The following SEC24D variants were observed in gnomAD, a reference collection of about 807,000 sequenced individuals.
SEC24D encodes SEC24 homolog D, COPII component.
SEC24D carries 69 observed loss-of-function variants against 116.9 expected under a neutral mutation model. The ratio of observed to expected loss-of-function variants is 0.59; its 90% CI spans 0.49 to 0.72. The LOEUF (loss-of-function observed/expected upper bound fraction) is 0.72, where lower values mean the gene tolerates loss of function less well. SEC24D is among the 30% of genes least tolerant of loss of function. The pLI is 0.00. For synonymous variants in SEC24D, 405 were observed against 442.8 expected, an observed-to-expected ratio of 0.91 and a Z score of 1.07; for missense variants, 1,131 against 1,264.1, an observed-to-expected ratio of 0.89 and a Z score of 1.60.
intron 3 of SEC24D, among the ~76,000 whole-genome samples, chr4:118,821,974 G>A (rs115915203): frequency 1.4e-3 from 218 of 152,302 alleles, no homozygotes; most frequent in African/African-American, 5.0e-3. Flanking sequence ...AGTAAAATCT[G>A]TCAGTACTTC....
chr4:118,787,538 T>C (rs893636722), intron 8 of SEC24D, among the ~76,000 whole-genome samples: 3 of 152,128 alleles, frequency 2.0e-5, no homozygotes, highest in African/African-American at 7.2e-5. Flanking sequence ...TGAGGCTGGA[T>C]GTGGTGGCTC....
At chr4:118,812,589 C>A (rs140123461) in intron 6 of SEC24D, among the ~76,000 whole-genome samples, 150 of 151,832 alleles carry the variant, frequency 9.9e-4, no homozygotes, top group Admixed American at 8.3e-3. Flanking sequence ...TGGGAAGAGG[C>A]GGAGTTTGGC....
chr4:118,784,888 G>A (rs1377723628), intron 8 of SEC24D, among the ~76,000 whole-genome samples: 1 of 151,948 alleles, frequency 6.6e-6, no homozygotes, highest in Non-Finnish European at 1.5e-5. Context: ...TTACTGTTCT[G>A]GAAATTCCTT....
intron 10 of SEC24D, 26 bp from the exon 11 acceptor site, chr4:118,757,871 A>G: frequency 2.5e-6 from 4 of 1,574,232 alleles, no homozygotes; most frequent in Non-Finnish European, 3.4e-6. Flanking sequence ...CACATCACAT[A>G]AATAAAGTAA....
intron 6 of SEC24D, among the ~76,000 whole-genome samples, chr4:118,811,560 G>A (rs565067937): frequency 6.6e-5 from 10 of 152,260 alleles, no homozygotes; most frequent in Admixed American, 2.0e-4. Flanking sequence ...TCTAATCAGC[G>A]GACAGCCTTA....
intron 6 of SEC24D, among the ~76,000 whole-genome samples, chr4:118,814,300 GCT>G (rs1285606531): frequency 6.6e-6 from 1 of 152,196 alleles, no homozygotes; most frequent in Non-Finnish European, 1.5e-5. Context: ...ATTTTGGCCA[GCT>G]CTGTTTCCTC....
At chr4:118,825,554 C>A (rs1336362201) in intron 2 of SEC24D, 1 of 456,198 alleles carries the variant, frequency 2.2e-6, no homozygotes, top group South Asian at 1.5e-5. Flanking sequence ...CAAGGCCCCA[C>A]TGGTTACTTA....
chr4:118,791,093 T>C (rs1578438636), intron 8 of SEC24D, among the ~76,000 whole-genome samples: 1 of 152,106 alleles, frequency 6.6e-6, no homozygotes, highest in East Asian at 1.9e-4. Flanking sequence ...TTTTCTATTA[T>C]TAACTATAAT....
At chr4:118,743,659 C>T (rs1726348429) in intron 15 of SEC24D, among the ~76,000 whole-genome samples, 1 of 152,130 alleles carries the variant, frequency 6.6e-6, no homozygotes, top group South Asian at 2.1e-4. Flanking sequence ...GCCACTGTGC[C>T]CTGCCTATGT....
At chr4:118,813,494 A>G (rs1730006936) in intron 6 of SEC24D, among the ~76,000 whole-genome samples, 1 of 152,250 alleles carries the variant, frequency 6.6e-6, no homozygotes, top group South Asian at 2.1e-4. Context: ...GGCACAGAGC[A>G]TGACATGGCA....
At chr4:118,807,874 G>A (rs939164260) in intron 6 of SEC24D, among the ~76,000 whole-genome samples, 2 of 152,216 alleles carry the variant, frequency 1.3e-5, no homozygotes, top group African/African-American at 4.8e-5. Flanking sequence ...AAGCTACCAT[G>A]AGCAGAGACA....
intron 8 of SEC24D, among the ~76,000 whole-genome samples, chr4:118,769,330 T>C (rs1727791408): frequency 6.6e-6 from 1 of 152,186 alleles, no homozygotes; most frequent in African/African-American, 2.4e-5. Flanking sequence ...AGTTCAGCAT[T>C]AAGTCTGCCT....
In SEC24D at chr4:118,833,607, C is replaced by T. The variant is rs1239793121; in HGVS notation, c.90G>A (p.Gly30=). 4 of 1,613,472 alleles carry T rather than the reference C, an allele frequency of 2.5e-6. No individual in the cohort carries two copies. The South Asian group carries it at 4.4e-5, about 18-fold the overall frequency. ...GLSPPHYGHY[G]DPSHTASPTG... is the part of the protein sequence containing the mutation. ...TTGGAGATGCTGTGTGCGACGGATC[C>T]CCATAGTGCCCATAATGAGGTGGAG... The change falls in exon 2 of 23, where the codon GGG becomes GGA. Residue 30 remains glycine (G), a synonymous_variant. Transcript: ENST00000280551.
intron 8 of SEC24D, among the ~76,000 whole-genome samples, chr4:118,796,570 G>A (rs1465259528): frequency 6.6e-6 from 1 of 152,202 alleles, no homozygotes; most frequent in African/African-American, 2.4e-5. Context: ...AGGACAGTGA[G>A]TGAAGATCCC....
intron 7 of SEC24D, among the ~76,000 whole-genome samples, chr4:118,804,806 A>C (rs1387640480): frequency 2.6e-5 from 4 of 151,904 alleles, no homozygotes. Context: ...AGTATCTACA[A>C]CACCTATAAT....
chr4:118,815,505 G>T lies in SEC24D; in HGVS notation c.619C>A (p.Gln207Lys), dbSNP rs778079818. ...GTCTGGCCTGGAAGAGGTGGGGGCT[G>T]GTACTGGGCATTTGGAGGAGGAGGC... ...SGPPPPNAQY[Q>K]PPPLPGQTLG... The change falls in exon 5 of 23, where the codon CAG becomes AAG. Residue 207 changes from glutamine to lysine, a missense_variant. Transcript: ENST00000280551. 2 of 1,614,192 alleles carry T rather than the reference G, an allele frequency of 1.2e-6. No individual in the cohort carries two copies. Among genetic ancestry groups the T allele is most frequent in the East Asian group, 4.5e-5 (2 of 44,882 alleles).
chr4:118,818,421 C>G (rs1447899474), intron 3 of SEC24D, among the ~76,000 whole-genome samples: 1 of 152,170 alleles, frequency 6.6e-6, no homozygotes, highest in Non-Finnish European at 1.5e-5. Context: ...ACACTAGGAC[C>G]AGCGTTTTTC....
In SEC24D at chr4:118,821,423, ACT is replaced by A. The variant is rs1314094396; in HGVS notation, c.248+3195_248+3196del. On this transcript the variant is annotated intron_variant, in intron 3 of 22. Coordinates refer to ENST00000280551, the MANE Select transcript of SEC24D (RefSeq NM_014822.4). ...TTATTTAATATCCTACCCAGTAGTA[ACT>A]CTATGTAGATAACTTTAGCACTGCT... Among the ~76,000 whole-genome samples the A allele has an allele frequency of 2.6e-5, 4 of 152,298 alleles. No homozygotes were observed. In the East Asian group the frequency reaches 7.7e-4, roughly 29 times the overall value.
intron 13 of SEC24D, among the ~76,000 whole-genome samples, chr4:118,747,596 T>A (rs758708526): frequency 7.2e-5 from 11 of 152,186 alleles, no homozygotes; most frequent in Admixed American, 2.0e-4. Flanking sequence ...AAAATACTTT[T>A]AAAAAAATTC....
Sources: allele counts gnomAD v4.1 joint callset (sites outside exome capture counted in the v4.1 genomes callset), GRCh38; gene constraint gnomAD v4.1.1; transcripts MANE v1.5; gene names NCBI Gene and HGNC (gene_info 2026-07-23, HGNC 2026-07-21).